Variants in CEP170 observed in about 807,000 individuals in gnomAD.
CEP170 encodes the protein centrosomal protein of 170 kDa.
A neutral mutation model predicts 151.9 loss-of-function variants in CEP170; 21 were observed. The ratio of observed to expected loss-of-function variants is 0.14; its 90% CI spans 0.10 to 0.20. CEP170 has a LOEUF of 0.20. Among genes scored for constraint, CEP170 ranks in the 10% least tolerant of loss-of-function variants. The probability of loss-of-function intolerance (pLI) is 1.00; values close to 1 mark genes in which losing one functional copy is unlikely to be tolerated. For synonymous variants in CEP170, 356 were observed against 648.8 expected (o/e 0.55, Z 6.86); for missense variants, 964 against 1,892.9 (o/e 0.51, Z 9.11).
intron 1 of CEP170, among the ~76,000 whole-genome samples, chr1:243,246,969 G>A (rs2065464942): frequency 6.6e-6 from 1 of 152,052 alleles, no homozygotes; most frequent in Admixed American, 6.6e-5. Flanking sequence ...CTGTATTTGC[G>A]ATGTTCCTTT....
chr1:243,238,204 C>T (rs1388133329), intron 1 of CEP170, among the ~76,000 whole-genome samples: 1 of 152,096 alleles, frequency 6.6e-6, no homozygotes, highest in Non-Finnish European at 1.5e-5. Context: ...GAACACTGAA[C>T]ACTGGGAGGC....
chr1:243,246,535 T>A (rs754715007), intron 1 of CEP170, among the ~76,000 whole-genome samples: 1 of 152,156 alleles, frequency 6.6e-6, no homozygotes, highest in African/African-American at 2.4e-5. Flanking sequence ...CCCGGCCTGT[T>A]GTTTACAATT....
chr1:243,136,283 A>G (rs2055067418), intron 16 of CEP170, 52 bp from the exon 17 acceptor site: 13 of 1,257,100 alleles, frequency 1.0e-5, no homozygotes, highest in East Asian at 5.1e-5. Context: ...CCTGTATTGT[A>G]TAACTACTGA....
intron 7 of CEP170, among the ~76,000 whole-genome samples, chr1:243,194,185 G>A (rs565755243): frequency 4.6e-5 from 7 of 151,874 alleles, no homozygotes; most frequent in African/African-American, 1.4e-4. Flanking sequence ...AAGTGGTAGA[G>A]ACAAGATGAA....
chr1:243,173,222 G>A (rs906051910), intron 10 of CEP170, among the ~76,000 whole-genome samples: 4 of 151,590 alleles, frequency 2.6e-5, no homozygotes, highest in Non-Finnish European at 5.9e-5. Flanking sequence ...AACCATGCCC[G>A]GCTAATTTTG....
intron 1 of CEP170, among the ~76,000 whole-genome samples, chr1:243,231,067 G>C (rs377175764): frequency 1.4e-4 from 21 of 149,000 alleles, no homozygotes; most frequent in East Asian, 1.0e-3. Context: ...ATGGAGACTA[G>C]AAAGCAGTGG....
intron 4 of CEP170, among the ~76,000 whole-genome samples, chr1:243,205,187 G>C (rs1378932528): frequency 2.0e-5 from 3 of 152,118 alleles, no homozygotes; most frequent in Admixed American, 6.6e-5. Flanking sequence ...CTGAAGACAA[G>C]CCTGCACAGA....
At chr1:243,206,655 T>C (rs372474219) in intron 4 of CEP170, among the ~76,000 whole-genome samples, 2 of 152,328 alleles carry the variant, frequency 1.3e-5, no homozygotes, top group South Asian at 4.1e-4. Flanking sequence ...TATAAAAATA[T>C]GTATTTTAAA....
intron 18 of CEP170, 22 bp from the exon 19 acceptor site, chr1:243,128,322 A>C (rs1037502653): frequency 2.6e-6 from 4 of 1,562,706 alleles, no homozygotes; most frequent in Non-Finnish European, 3.4e-6. Context: ...GCAATAACAA[A>C]AATTAGCCTA....
intron 1 of CEP170, among the ~76,000 whole-genome samples, chr1:243,226,190 T>G (rs1482237003): frequency 8.9e-5 from 2 of 22,550 alleles, no homozygotes; most frequent in African/African-American, 2.3e-4. Flanking sequence ...TCTAGATATA[T>G]ATATCTAGAT....
At chr1:243,254,837 C>T (rs1459518089) in intron 1 of CEP170, among the ~76,000 whole-genome samples, 4 of 151,786 alleles carry the variant, frequency 2.6e-5, no homozygotes, top group African/African-American at 7.3e-5. Context: ...AGCCCCGGGT[C>T]CCAGGCGGGC....
chr1:243,217,561 C>G (rs2062413907), intron 3 of CEP170, among the ~76,000 whole-genome samples: 1 of 151,960 alleles, frequency 6.6e-6, no homozygotes, highest in Admixed American at 6.6e-5. Context: ...AGAACTATTC[C>G]CTAAAGTCTA....
chr1:243,234,360 A>G (rs558209103), intron 1 of CEP170, among the ~76,000 whole-genome samples: 15 of 152,340 alleles, frequency 9.8e-5, no homozygotes, highest in African/African-American at 3.6e-4. Flanking sequence ...AATATTCTCC[A>G]TGGGGTTGGC....
intron 7 of CEP170, among the ~76,000 whole-genome samples, chr1:243,195,293 C>T (rs532411703): frequency 4.4e-4 from 67 of 151,980 alleles, no homozygotes; most frequent in Non-Finnish European, 2.7e-4. Context: ...CAGTTAAAGG[C>T]CTTTAATTAT....
chr1:243,246,424 GT>G (rs1558152572), intron 1 of CEP170, among the ~76,000 whole-genome samples: 1 of 151,822 alleles, frequency 6.6e-6, no homozygotes, highest in African/African-American at 2.4e-5. Context: ...TAGAGACAGG[GT>G]TTCCCCATGT....
At chr1:243,194,067 CTAACAGTTAA>C (rs774923821) in intron 7 of CEP170, among the ~76,000 whole-genome samples, 5 of 151,798 alleles carry the variant, frequency 3.3e-5, no homozygotes, top group Non-Finnish European at 5.9e-5. Flanking sequence ...ATAAACATTA[CTAACAGTTAA>C]GATCTTCACC....
intron 17 of CEP170, among the ~76,000 whole-genome samples, chr1:243,133,056 G>T (rs2148208700): frequency 6.6e-6 from 1 of 152,244 alleles, no homozygotes; most frequent in East Asian, 1.9e-4. Flanking sequence ...TGCCAAAACA[G>T]ATCCATCCTC....
At chr1:243,227,775 CA>C (rs1369892698) in intron 1 of CEP170, among the ~76,000 whole-genome samples, 2 of 152,152 alleles carry the variant, frequency 1.3e-5, no homozygotes. Flanking sequence ...GCTTTGATGT[CA>C]TTACGAAAAA....
chr1:243,251,281 C>T (rs1033747943), intron 1 of CEP170, among the ~76,000 whole-genome samples: 1 of 152,144 alleles, frequency 6.6e-6, no homozygotes, highest in African/African-American at 2.4e-5. Context: ...ATTGTATGAG[C>T]TGACTTCTAA....
Sources: allele counts gnomAD v4.1 joint callset (sites outside exome capture counted in the v4.1 genomes callset), GRCh38; gene constraint gnomAD v4.1.1; transcripts MANE v1.5; gene names NCBI Gene and HGNC (gene_info 2026-07-23, HGNC 2026-07-21).